Variants in DLGAP2 observed in about 807,000 individuals in gnomAD.
The protein encoded by DLGAP2 is DLG associated protein 2, also known as disks large-associated protein 2.
In DLGAP2, 26 loss-of-function variants were observed where a neutral mutation model predicts 100.3. The ratio of observed to expected loss-of-function variants is 0.26; its 90% confidence interval spans 0.19 to 0.36. The LOEUF (loss-of-function observed/expected upper bound fraction) is 0.36. DLGAP2 is among the 10% of genes least tolerant of loss of function. The pLI, the probability that DLGAP2 is intolerant of heterozygous loss-of-function variation, is 1.00. For synonymous variants in DLGAP2, 886 were observed against 630.1 expected, an observed-to-expected ratio of 1.41 and a Z score of -6.08; for missense variants, 1,858 against 1,453.2, an observed-to-expected ratio of 1.28 and a Z score of -4.53.
chr8:1,466,855 T>G (rs943744464), intron 3 of DLGAP2, among the ~76,000 whole-genome samples: 11 of 152,150 alleles, frequency 7.2e-5, no homozygotes, highest in South Asian at 2.1e-4. Flanking sequence ...AGAAGCTGCT[T>G]CTTTTCTTTC....
intron 3 of DLGAP2, among the ~76,000 whole-genome samples, chr8:1,424,734 C>G (rs1305914446): frequency 6.6e-6 from 1 of 151,994 alleles, no homozygotes; most frequent in African/African-American, 2.4e-5. Flanking sequence ...ATGGTGTGAT[C>G]CCCTTACACG....
chr8:982,587 C>T (rs1002282759), intron 2 of DLGAP2, among the ~76,000 whole-genome samples: 13 of 152,064 alleles, frequency 8.5e-5, no homozygotes, highest in African/African-American at 2.4e-4. Context: ...TGGAGGGAAG[C>T]GAAGGTGAAG....
intron 1 of DLGAP2, among the ~76,000 whole-genome samples, chr8:780,505 G>T (rs1445871998): frequency 6.6e-6 from 1 of 152,170 alleles, no homozygotes; most frequent in Non-Finnish European, 1.5e-5. Flanking sequence ...GGATTGCTGG[G>T]TCTTGTGCTA....
chr8:1,186,594 G>A (rs567333032), intron 2 of DLGAP2, among the ~76,000 whole-genome samples: 4 of 152,012 alleles, frequency 2.6e-5, no homozygotes, highest in Admixed American at 6.5e-5. Flanking sequence ...TCATGGAGGT[G>A]GGGGGTGCGG....
chr8:1,142,980 G>GGA (rs1267231501), intron 2 of DLGAP2, among the ~76,000 whole-genome samples: 1 of 152,178 alleles, frequency 6.6e-6, no homozygotes, highest in African/African-American at 2.4e-5. Context: ...GAACTACACA[G>GGA]GATAGAGGCC....
At chr8:1,322,302 G>T (rs1023769746) in intron 3 of DLGAP2, among the ~76,000 whole-genome samples, 2 of 152,094 alleles carry the variant, frequency 1.3e-5, no homozygotes, top group African/African-American at 4.8e-5. Flanking sequence ...AAAAAACTTC[G>T]AAATCTCAAA....
intron 2 of DLGAP2, among the ~76,000 whole-genome samples, chr8:1,231,094 C>T (rs758909337): frequency 1.3e-5 from 2 of 152,126 alleles, no homozygotes; most frequent in Non-Finnish European, 2.9e-5. Flanking sequence ...AAAATATTTG[C>T]AAGCTATGGT....
intron 2 of DLGAP2, among the ~76,000 whole-genome samples, chr8:1,198,927 A>T (rs908946753): frequency 6.6e-6 from 1 of 152,186 alleles, no homozygotes; most frequent in Non-Finnish European, 1.5e-5. Flanking sequence ...TGTGCCCGGG[A>T]CCTGGATACA....
At chr8:1,076,360 G>A (rs1395892604) in intron 2 of DLGAP2, among the ~76,000 whole-genome samples, 1 of 152,274 alleles carries the variant, frequency 6.6e-6, no homozygotes, top group African/African-American at 2.4e-5. Flanking sequence ...CTACGTGGCA[G>A]TGAGTCGCAG....
rs148471102 is a variant in DLGAP2 at position 1,156,616 on chromosome 8, C to T, written c.74-102235C>T. ...CAGCGCCCCAGCCTAGCGTCCCAGCCCAGCGCCCCAGCCCAGCGCCCCGGC... is the reference window on the plus strand; with the variant it reads ...CAGCGCCCCAGCCTAGCGTCCCAGCTCAGCGCCCCAGCCCAGCGCCCCGGC... On this transcript the variant is annotated intron_variant, in intron 2 of 14. Transcript: ENST00000637795. Among the ~76,000 whole-genome samples the T allele has an allele frequency of 8.1e-3, 1,227 of 151,090 alleles. 13 individuals carry two copies. Among genetic ancestry groups the T allele is most frequent in the Admixed American group, 0.018 (275 of 15,158 alleles).
At chr8:981,675 G>T (rs1207096241) in intron 2 of DLGAP2, among the ~76,000 whole-genome samples, 2 of 152,146 alleles carry the variant, frequency 1.3e-5, no homozygotes, top group Non-Finnish European at 2.9e-5. Flanking sequence ...GACAATTAGT[G>T]ACGTTGAGCA....
At chr8:1,044,827 C>T (rs942696497) in intron 2 of DLGAP2, among the ~76,000 whole-genome samples, 2 of 152,302 alleles carry the variant, frequency 1.3e-5, no homozygotes, top group Non-Finnish European at 2.9e-5. Context: ...ACCTGCAGAA[C>T]GGACCCACCC....
chr8:1,486,912 A>G (rs11994904), intron 3 of DLGAP2, among the ~76,000 whole-genome samples: 105,167 of 152,118 alleles, frequency 0.69, 37,155 homozygotes, highest in African/African-American at 0.82. Flanking sequence ...CCACGTTCCC[A>G]ATACTGCTGG....
intron 5 of DLGAP2, among the ~76,000 whole-genome samples, chr8:1,556,310 G>A (rs747641374): frequency 6.6e-6 from 1 of 152,122 alleles, no homozygotes; most frequent in Non-Finnish European, 1.5e-5. Context: ...CTGTGGGTGT[G>A]CAGGTGGGCG....
chr8:910,535 A>T (rs560493547), intron 2 of DLGAP2: 9 of 152,338 alleles, frequency 5.9e-5, no homozygotes, highest in African/African-American at 1.9e-4. Flanking sequence ...ACGTGAATAC[A>T]TATGTGACTT....
chr8:1,521,200 G>T (rs1384485824), intron 4 of DLGAP2, among the ~76,000 whole-genome samples: 1 of 97,790 alleles, frequency 1.0e-5, no homozygotes, highest in Non-Finnish European at 2.2e-5. Context: ...TTTTAATTTG[G>T]AATACTCGGG....
At chr8:937,011 C>T (rs747748747) in intron 2 of DLGAP2, among the ~76,000 whole-genome samples, 53 of 152,136 alleles carry the variant, frequency 3.5e-4, no homozygotes, top group South Asian at 2.1e-4. Context: ...GAGCTGGTGG[C>T]GGGACCTGTT....
intron 3 of DLGAP2, among the ~76,000 whole-genome samples, chr8:1,378,671 G>A (rs760992813): frequency 1.2e-4 from 18 of 152,210 alleles, no homozygotes; most frequent in Non-Finnish European, 1.9e-4. Context: ...TGGGTTGGGC[G>A]GGGACAGGCT....
At chr8:1,354,368 C>T (rs1801801176) in intron 3 of DLGAP2, among the ~76,000 whole-genome samples, 1 of 152,110 alleles carries the variant, frequency 6.6e-6, no homozygotes, top group African/African-American at 2.4e-5. Context: ...TACAAAGTAT[C>T]TGGGTGTGGT....
Sources: allele counts gnomAD v4.1 joint callset (sites outside exome capture counted in the v4.1 genomes callset), GRCh38; gene constraint gnomAD v4.1.1; transcripts MANE v1.5; gene names NCBI Gene and HGNC (gene_info 2026-07-23, HGNC 2026-07-21).